The following PTPRD variants were observed in gnomAD, a reference collection of about 807,000 sequenced individuals.
PTPRD encodes the protein receptor-type tyrosine-protein phosphatase delta.
In PTPRD, 34 loss-of-function variants were observed where a neutral mutation model predicts 214.5. The observed-to-expected ratio is 0.16, with a 90% CI of 0.12 to 0.21. The LOEUF (loss-of-function observed/expected upper bound fraction) is 0.21. PTPRD is among the 10% of genes least tolerant of loss of function. The pLI is 1.00. For synonymous variants in PTPRD, 1,128 were observed against 845.7 expected (o/e 1.33, Z -5.79); for missense variants, 2,545 against 2,398.7 (o/e 1.06, Z -1.27).
At chr9:9,833,402 T>C (rs2055612123) in intron 5 of PTPRD, among the ~76,000 whole-genome samples, 1 of 151,682 alleles carries the variant, frequency 6.6e-6, no homozygotes, top group Non-Finnish European at 1.5e-5. Flanking sequence ...GTGACAGACA[T>C]CAAGTACTTA....
At chr9:8,663,397 T>A (rs114530313) in intron 12 of PTPRD, among the ~76,000 whole-genome samples, 2 of 150,446 alleles carry the variant, frequency 1.3e-5, no homozygotes, top group Admixed American at 6.6e-5. Flanking sequence ...AAAAAAAAAA[T>A]ATCACTGTCA....
At chr9:10,412,394 A>C (rs2098445091) in intron 2 of PTPRD, among the ~76,000 whole-genome samples, 2 of 151,734 alleles carry the variant, frequency 1.3e-5, no homozygotes, top group South Asian at 4.1e-4. Flanking sequence ...CAGACCAATA[A>C]TTAGCTTCAA....
At chr9:8,919,008 G>T (rs960655567) in intron 11 of PTPRD, among the ~76,000 whole-genome samples, 1 of 152,096 alleles carries the variant, frequency 6.6e-6, no homozygotes, top group African/African-American at 2.4e-5. Context: ...TATTTCTGAG[G>T]ATTTCTAAAC....
rs140131988 is a variant in PTPRD, at chr9:10,137,805, C to G, written c.-544-104015G>C. Among the ~76,000 whole-genome samples, 879 of 148,798 alleles carry G rather than the reference C, an allele frequency of 5.9e-3. 6 individuals carry two copies. The highest frequency in any genetic ancestry group is 8.8e-3 in the Non-Finnish European group (588 of 67,022). ...ACCTGAATGGCTTTTTGGTAAACAA[C>G]AAAATTAAGGGAGAAATTGTAAAAC... On this transcript the variant is annotated intron_variant, in intron 3 of 45. Transcript: ENST00000381196.
chr9:9,793,051 T>C (rs1372071412), intron 5 of PTPRD, among the ~76,000 whole-genome samples: 1 of 152,140 alleles, frequency 6.6e-6, no homozygotes, highest in African/African-American at 2.4e-5. Flanking sequence ...TTGTAACTTC[T>C]GGATACTGTG....
chr9:8,959,633 T>A (rs189489989), intron 11 of PTPRD, among the ~76,000 whole-genome samples: 2 of 152,022 alleles, frequency 1.3e-5, no homozygotes, highest in Non-Finnish European at 2.9e-5. Context: ...ATTTAGTAGT[T>A]GTTTAAAATA....
At chr9:8,585,394 A>G (rs79113590) in intron 14 of PTPRD, among the ~76,000 whole-genome samples, 7,481 of 152,278 alleles carry the variant, frequency 0.049, 280 homozygotes, top group Non-Finnish European at 0.07. Flanking sequence ...TCACTAAACT[A>G]CACCAACTAT....
At chr9:10,495,158 A>G (rs568282668) in intron 2 of PTPRD, among the ~76,000 whole-genome samples, 3 of 151,974 alleles carry the variant, frequency 2.0e-5, no homozygotes, top group South Asian at 2.1e-4. Flanking sequence ...TAGTTTCTCA[A>G]TGTTGTACAA....
intron 30 of PTPRD, among the ~76,000 whole-genome samples, chr9:8,476,626 C>G (rs2096771122): frequency 6.6e-6 from 1 of 152,142 alleles, no homozygotes; most frequent in South Asian, 2.1e-4. Context: ...TATATGGTCT[C>G]TATGAACCAT....
At chr9:8,390,460 C>T (rs1474411464) in intron 36 of PTPRD, among the ~76,000 whole-genome samples, 3 of 152,104 alleles carry the variant, frequency 2.0e-5, no homozygotes, top group Non-Finnish European at 4.4e-5. Context: ...GAAGGCCTGC[C>T]CTGGAGTACC....
intron 3 of PTPRD, among the ~76,000 whole-genome samples, chr9:10,288,685 A>C (rs1444918080): frequency 6.6e-6 from 1 of 152,218 alleles, no homozygotes; most frequent in Non-Finnish European, 1.5e-5. Flanking sequence ...GCACCGCAGT[A>C]ATGACATGCT....
chr9:8,924,343 T>C (rs1263607444), intron 11 of PTPRD, among the ~76,000 whole-genome samples: 1 of 152,182 alleles, frequency 6.6e-6, no homozygotes, highest in Non-Finnish European at 1.5e-5. Context: ...AGCTCTCTTC[T>C]TGGTACAAGG....
chr9:9,835,264 T>A (rs1687700773), intron 5 of PTPRD, among the ~76,000 whole-genome samples: 1 of 152,126 alleles, frequency 6.6e-6, no homozygotes, highest in African/African-American at 2.4e-5. Flanking sequence ...CTTGTGCCTC[T>A]GCCATGAGAT....
At chr9:9,251,343 T>A (rs749486034) in intron 9 of PTPRD, among the ~76,000 whole-genome samples, 2 of 152,092 alleles carry the variant, frequency 1.3e-5, no homozygotes, top group Non-Finnish European at 2.9e-5. Flanking sequence ...CAATACTTCA[T>A]CCCTGCCTAC....
At chr9:9,992,833 G>A (rs529993945) in intron 4 of PTPRD, among the ~76,000 whole-genome samples, 1 of 152,032 alleles carries the variant, frequency 6.6e-6, no homozygotes, top group African/African-American at 2.4e-5. Flanking sequence ...ATAGCATTAG[G>A]AGATAAACCC....
intron 7 of PTPRD, among the ~76,000 whole-genome samples, chr9:9,677,196 C>T (rs888409534): frequency 1.3e-5 from 2 of 152,046 alleles, no homozygotes; most frequent in South Asian, 2.1e-4. Flanking sequence ...GACATGAAGT[C>T]CTTGCCCATG....
intron 8 of PTPRD, among the ~76,000 whole-genome samples, chr9:9,398,433 C>G (rs1222737691): frequency 6.6e-6 from 1 of 151,994 alleles, no homozygotes; most frequent in Non-Finnish European, 1.5e-5. Context: ...TCTAGTTGAG[C>G]TAAAGGAGAC....
intron 6 of PTPRD, among the ~76,000 whole-genome samples, chr9:9,737,229 G>A (rs1296376136): frequency 6.6e-6 from 1 of 152,056 alleles, no homozygotes; most frequent in Non-Finnish European, 1.5e-5. Flanking sequence ...AGACATTTGT[G>A]TGTTCCACTG....
At chr9:8,481,684 C>T (rs182211146) in intron 30 of PTPRD, among the ~76,000 whole-genome samples, 2 of 151,802 alleles carry the variant, frequency 1.3e-5, no homozygotes, top group Non-Finnish European at 2.9e-5. Context: ...TAGTCTTTTG[C>T]TTCACATTTT....
Sources: allele counts gnomAD v4.1 joint callset (sites outside exome capture counted in the v4.1 genomes callset), GRCh38; gene constraint gnomAD v4.1.1; transcripts MANE v1.5; gene names NCBI Gene and HGNC (gene_info 2026-07-23, HGNC 2026-07-21).